The following NRXN3 variants were observed in gnomAD, a reference collection of about 807,000 sequenced individuals.
NRXN3 encodes the protein neurexin 3.
NRXN3 carries 32 observed loss-of-function variants against 137.6 expected under a neutral mutation model. That is an observed-to-expected ratio of 0.23 (90% confidence interval 0.18 to 0.31). The LOEUF (loss-of-function observed/expected upper bound fraction) is 0.31, where lower values mean the gene tolerates loss of function less well. NRXN3 is among the 10% of genes least tolerant of loss of function. The probability of loss-of-function intolerance (pLI) is 1.00; values close to 1 mark genes in which losing one functional copy is unlikely to be tolerated. For missense variants in NRXN3, 1,574 were observed against 2,062.5 expected, an observed-to-expected ratio of 0.76 and a Z score of 4.59; for synonymous variants, 798 against 784.5, an observed-to-expected ratio of 1.02 and a Z score of -0.29.
At chr14:78,719,319 A>G (rs2098448465) in intron 8 of NRXN3, among the ~76,000 whole-genome samples, 1 of 152,230 alleles carries the variant, frequency 6.6e-6, no homozygotes, top group African/African-American at 2.4e-5. Context: ...ACTTCTCTCC[A>G]GTGACTCTTG....
chr14:79,125,141 C>T (rs1199075421), intron 15 of NRXN3, among the ~76,000 whole-genome samples: 2 of 152,168 alleles, frequency 1.3e-5, no homozygotes, highest in African/African-American at 4.8e-5. Flanking sequence ...ACACTCTTTC[C>T]CCAGATCTTC....
intron 4 of NRXN3, among the ~76,000 whole-genome samples, chr14:78,464,298 C>T (rs543239175): frequency 1.1e-3 from 164 of 152,234 alleles, no homozygotes; most frequent in Middle Eastern, 3.4e-3. Context: ...TCAGGTGATC[C>T]GCCTGTCTCG....
At chr14:78,232,451 T>C (rs1596192452) in intron 1 of NRXN3, among the ~76,000 whole-genome samples, 1 of 152,062 alleles carries the variant, frequency 6.6e-6, no homozygotes, top group Middle Eastern at 3.4e-3. Context: ...GTTTGATTTT[T>C]TTCCCCCTCT....
chr14:78,637,238 T>A (rs778565680), intron 4 of NRXN3, among the ~76,000 whole-genome samples: 5 of 152,226 alleles, frequency 3.3e-5, no homozygotes, highest in Non-Finnish European at 5.9e-5. Context: ...TCCTAAATAC[T>A]CTGTGCTCTT....
chr14:79,549,700 C>A (rs1057406296), intron 16 of NRXN3, among the ~76,000 whole-genome samples: 1 of 152,064 alleles, frequency 6.6e-6, no homozygotes, highest in African/African-American at 2.4e-5. Context: ...GTCACTGGGT[C>A]CCCGGGGCCA....
chr14:78,266,753 T>G (rs944385031), intron 2 of NRXN3, among the ~76,000 whole-genome samples: 58 of 152,176 alleles, frequency 3.8e-4, no homozygotes, highest in African/African-American at 1.2e-3. Context: ...AAAGATTCTT[T>G]TAGGTCCAGA....
chr14:79,336,068 G>A (rs991845700), intron 15 of NRXN3, among the ~76,000 whole-genome samples: 1 of 152,130 alleles, frequency 6.6e-6, no homozygotes, highest in African/African-American at 2.4e-5. Flanking sequence ...AAGTTGGTCA[G>A]GAATGTATTA....
intron 8 of NRXN3, among the ~76,000 whole-genome samples, chr14:78,770,856 G>T (rs570710765): frequency 2.0e-5 from 3 of 152,170 alleles, no homozygotes; most frequent in Non-Finnish European, 2.9e-5. Flanking sequence ...GGGTTGGGGG[G>T]GGTACAGCTA....
chr14:79,861,817 G>A lies in NRXN3; in HGVS notation c.4569G>A (p.Arg1523=). The A allele has an allele frequency of 6.2e-7, 1 of 1,614,068 alleles. No homozygotes were observed. The highest frequency in any genetic ancestry group is 8.5e-7 in the Non-Finnish European group (1 of 1,180,020). The change falls in exon 21 of 21, where the codon AGG becomes AGA. Residue 1523 remains arginine (R), a synonymous_variant. Coordinates refer to ENST00000335750, the MANE Select transcript of NRXN3 (RefSeq NM_001330195.2). This position sits in a 1 kb window ranked among gnomAD's most constrained non-coding sequence, Gnocchi z 5.4. ...ACGCCATGTACAAGTACAGGAACAG[G>A]GACGAGGGGTCCTATCAAGTGGACG... ...LLYAMYKYRN[R]DEGSYQVDET... is the part of the protein sequence containing the mutation.
At chr14:79,127,863 T>C (rs1282945351) in intron 15 of NRXN3, among the ~76,000 whole-genome samples, 1 of 151,928 alleles carries the variant, frequency 6.6e-6, no homozygotes, top group Non-Finnish European at 1.5e-5. Context: ...GAGCAGTGGT[T>C]TGTAGTTCTC....
intron 8 of NRXN3, among the ~76,000 whole-genome samples, chr14:78,720,632 A>G (rs754229890): frequency 4.6e-5 from 7 of 152,186 alleles, no homozygotes; most frequent in African/African-American, 1.7e-4. Flanking sequence ...CCCATCCTGC[A>G]TCTGTCCACT....
rs563780052 is a variant in NRXN3, at chr14:79,022,102, GCTTTTTTGAAGTTAA to G, written c.3262+33965_3262+33979del. On this transcript the variant is annotated intron_variant, in intron 15 of 20. Coordinates refer to ENST00000335750, the MANE Select transcript of NRXN3 (RefSeq NM_001330195.2). The stretch of plus-strand genomic sequence containing the variant: ...TTTTCTTCTTTTATTACTATAGGGT[GCTTTTTTGAAGTTAA>G]CTTCGGAAATATTGTGAACTCAGAA... 2.4e-3 allele frequency among the ~76,000 whole-genome samples: 365 copies of G among 152,288 alleles called. 2 individuals are homozygous for G. The highest frequency in any genetic ancestry group is 7.9e-3 in the African/African-American group (330 of 41,566).
At chr14:78,907,584 A>G (rs779291526) in intron 10 of NRXN3, among the ~76,000 whole-genome samples, 14 of 152,060 alleles carry the variant, frequency 9.2e-5, no homozygotes, top group Non-Finnish European at 1.8e-4. Flanking sequence ...TTTAAGATAA[A>G]GAAGCCTACA....
In NRXN3 at chr14:79,804,045, G is replaced by A. The variant is rs375484771; in HGVS notation, c.4015-1067G>A. ...GGACAGCATCTGGCTTGTAGTAATT[G>A]CTCAATAGAAGGGGAGTGGTTTATT... On this transcript the variant is annotated intron_variant, in intron 19 of 20. Transcript: ENST00000335750. Among the ~76,000 whole-genome samples, 4 of 150,936 alleles carry A rather than the reference G, an allele frequency of 2.7e-5. No homozygotes were observed. In the East Asian group the frequency reaches 7.8e-4, roughly 30 times the overall value.
intron 15 of NRXN3, among the ~76,000 whole-genome samples, chr14:79,382,243 A>G (rs1209887455): frequency 3.3e-5 from 5 of 152,156 alleles, no homozygotes; most frequent in Non-Finnish European, 5.9e-5. Flanking sequence ...GCCAGTTGTC[A>G]CCACCTGTGA....
intron 19 of NRXN3, among the ~76,000 whole-genome samples, chr14:79,785,243 C>T (rs1360510820): frequency 6.6e-6 from 1 of 152,144 alleles, no homozygotes; most frequent in African/African-American, 2.4e-5. Context: ...TTTTCTGGTG[C>T]ACCATTAGTG....
chr14:78,295,231 C>A (rs913295535), intron 3 of NRXN3, among the ~76,000 whole-genome samples: 3 of 152,202 alleles, frequency 2.0e-5, no homozygotes, highest in African/African-American at 2.4e-5. Context: ...TTTCTCCCCC[C>A]AGTCCTGTTT....
In NRXN3 at chr14:79,797,395, AG is replaced by A. The variant is rs2099164229; in HGVS notation, c.4015-7714del. 1.3e-5 allele frequency among the ~76,000 whole-genome samples: 2 copies of A among 152,206 alleles called. 1 individual carries two copies. Among genetic ancestry groups the A allele is most frequent in the South Asian group, 4.1e-4 (2 of 4,832 alleles). ...CTTGTAAGACAGTTTTAAAATTCAC[AG>A]GGTGTTGTTCCAATCGAAATACTTA... On this transcript the variant is annotated intron_variant, in intron 19 of 20. Transcript: ENST00000335750.
intron 14 of NRXN3, among the ~76,000 whole-genome samples, chr14:78,982,851 C>T (rs1372652292): frequency 6.6e-6 from 1 of 151,910 alleles, no homozygotes; most frequent in Non-Finnish European, 1.5e-5. Context: ...AAGAAGTAAC[C>T]CATAGATTGG....
Sources: allele counts gnomAD v4.1 joint callset (sites outside exome capture counted in the v4.1 genomes callset), GRCh38; gene constraint gnomAD v4.1.1; non-coding constraint Gnocchi (gnomAD v3.1); transcripts MANE v1.5; gene names NCBI Gene and HGNC (gene_info 2026-07-23, HGNC 2026-07-21).